The following ALK variants were observed in gnomAD, a reference collection of about 807,000 sequenced individuals.
The protein encoded by ALK is ALK tyrosine kinase receptor.
ALK carries 74 observed loss-of-function variants against 163.1 expected under a neutral mutation model. The ratio of observed to expected loss-of-function variants is 0.45; its 90% confidence interval spans 0.38 to 0.55. ALK has a LOEUF of 0.55. ALK is among the 20% of genes least tolerant of loss of function. ALK has a pLI of 0.00. For synonymous variants in ALK, 960 were observed against 843.2 expected, an observed-to-expected ratio of 1.14 and a Z score of -2.40; for missense variants, 2,063 against 2,105.3, an observed-to-expected ratio of 0.98 and a Z score of 0.39.
chr2:29,572,605 T>C (rs28478185), intron 3 of ALK, among the ~76,000 whole-genome samples: 59,531 of 152,002 alleles, frequency 0.39, 11,988 homozygotes, highest in African/African-American at 0.42. Flanking sequence ...CCTCTATTTC[T>C]TCACCAGAGC....
At chr2:29,459,781 C>T (rs1671041991) in intron 4 of ALK, among the ~76,000 whole-genome samples, 1 of 152,104 alleles carries the variant, frequency 6.6e-6, no homozygotes. Context: ...AACAATATCA[C>T]TGAATGTCTA....
Position 29,223,646 on chromosome 2 carries a change from C to A in ALK, c.3173-118G>T, listed in dbSNP as rs1212683303. 3.4e-6 allele frequency: 3 copies of A among 884,480 alleles called. No homozygotes were observed. In the African/African-American group the frequency reaches 5.0e-5, roughly 15 times the overall value. The allele number at this position is 884,480 out of a possible 1,614,324, so 54.8% of individuals were successfully genotyped here. ...CCATATCCTCCCCTGAGCTCTGAAC[C>A]TTTCCATCATACTTAGAAATACTAA... On this transcript the variant is annotated intron_variant, in intron 19 of 28. Coordinates refer to ENST00000389048, the MANE Select transcript of ALK (RefSeq NM_004304.5).
intron 3 of ALK, among the ~76,000 whole-genome samples, chr2:29,684,946 A>G (rs1476735922): frequency 6.6e-6 from 1 of 152,208 alleles, no homozygotes; most frequent in East Asian, 1.9e-4. Flanking sequence ...CCTATTTTAT[A>G]TGGAGGCTTA....
chr2:29,569,134 C>T (rs886560559), intron 3 of ALK, among the ~76,000 whole-genome samples: 2 of 152,162 alleles, frequency 1.3e-5, no homozygotes, highest in Non-Finnish European at 2.9e-5. Context: ...TGACTGTTAA[C>T]TTGAACCTGC....
chr2:29,260,042 T>C (rs1248970188), intron 11 of ALK, among the ~76,000 whole-genome samples: 1 of 152,208 alleles, frequency 6.6e-6, no homozygotes, highest in Non-Finnish European at 1.5e-5. Flanking sequence ...GAGTCTTTGA[T>C]GTGTGTCATC....
intron 3 of ALK, among the ~76,000 whole-genome samples, chr2:29,535,742 G>A (rs890403952): frequency 6.6e-6 from 1 of 152,134 alleles, no homozygotes; most frequent in Non-Finnish European, 1.5e-5. Context: ...GTTGGATACA[G>A]TCTCTCTAAG....
chr2:29,535,439 A>T (rs1205767597), intron 3 of ALK, among the ~76,000 whole-genome samples: 2 of 152,224 alleles, frequency 1.3e-5, no homozygotes, highest in African/African-American at 4.8e-5. Flanking sequence ...ACTCTTTTGT[A>T]TCTGTTCAGT....
At chr2:29,449,242 A>G (rs1670762630) in intron 4 of ALK, among the ~76,000 whole-genome samples, 1 of 152,214 alleles carries the variant, frequency 6.6e-6, no homozygotes, top group Admixed American at 6.5e-5. Flanking sequence ...ACAATATAGT[A>G]TGGTACCGGA....
At position 29,356,023 on chromosome 2, in the gene ALK, G is replaced by A. The variant is rs145819071; in HGVS notation, c.1283-27542C>T. Among the ~76,000 whole-genome samples the A allele has an allele frequency of 1.8e-4, 28 of 152,232 alleles. No individual in the cohort carries two copies. The East Asian group carries it at 5.4e-3, about 30-fold the overall frequency. On this transcript the variant is annotated intron_variant, in intron 5 of 28. Coordinates refer to ENST00000389048, the MANE Select transcript of ALK (RefSeq NM_004304.5). ...ATTTACACTACAGAAATTGGCAAAT[G>A]GTAAAATCAAGGCTCCCTCCTGAAG... is the stretch of plus-strand genomic sequence containing the variant.
Position 29,717,672 on chromosome 2 carries a change from T to G in ALK, c.693A>C (p.Thr231=). Reference sequence around the variant, plus strand: ...AATCAGGAGAAGGAGAAGGCATGTTTGTTGGTGATTCCAAGGAGCTATGAC... The same window carrying G: ...AATCAGGAGAAGGAGAAGGCATGTTGGTTGGTGATTCCAAGGAGCTATGAC... ...GTGHSSLESP[T]NMPSPSPDYF... Residue 231 remains threonine, a synonymous_variant, in exon 2 of 29, where the codon ACA becomes ACC. Transcript: ENST00000389048. 6.2e-7 allele frequency: 1 copy of G among 1,614,126 alleles called. No homozygotes were observed. Among genetic ancestry groups the G allele is most frequent in the Non-Finnish European group, 8.5e-7 (1 of 1,179,980 alleles).
At chr2:29,647,917 C>T (rs1282014876) in intron 3 of ALK, among the ~76,000 whole-genome samples, 1 of 151,784 alleles carries the variant, frequency 6.6e-6, no homozygotes, top group Non-Finnish European at 1.5e-5. Context: ...AACTAAAACC[C>T]AATGTGTCAT....
intron 3 of ALK, among the ~76,000 whole-genome samples, chr2:29,619,750 TA>T (rs1225092236): frequency 6.6e-6 from 1 of 152,220 alleles, no homozygotes; most frequent in Admixed American, 6.5e-5. Context: ...CATTTATATT[TA>T]AAACCCCTCC....
At chr2:29,306,814 G>T (rs1666521379) in intron 8 of ALK, among the ~76,000 whole-genome samples, 2 of 152,216 alleles carry the variant, frequency 1.3e-5, no homozygotes, top group African/African-American at 4.8e-5. Flanking sequence ...ATAAATGGCA[G>T]TGTTTGACTA....
intron 5 of ALK, among the ~76,000 whole-genome samples, chr2:29,334,475 T>C (rs1270051498): frequency 6.6e-6 from 1 of 152,188 alleles, no homozygotes; most frequent in Non-Finnish European, 1.5e-5. Context: ...AGATCCCTTG[T>C]TCTCTATTCT....
At chr2:29,713,147 T>C (rs2148303706) in intron 2 of ALK, among the ~76,000 whole-genome samples, 1 of 152,302 alleles carries the variant, frequency 6.6e-6, no homozygotes, top group South Asian at 2.1e-4. Context: ...TCACTCTAAT[T>C]TCTGATTCCA....
chr2:29,658,319 T>C (rs926288783), intron 3 of ALK, among the ~76,000 whole-genome samples: 9 of 152,132 alleles, frequency 5.9e-5, no homozygotes, highest in Non-Finnish European at 8.8e-5. Context: ...TATGGTAAGG[T>C]GCCTTAACCT....
intron 1 of ALK, among the ~76,000 whole-genome samples, chr2:29,769,711 C>T (rs1029325422): frequency 3.3e-5 from 5 of 152,108 alleles, no homozygotes; most frequent in African/African-American, 9.7e-5. Flanking sequence ...TGAACGATAA[C>T]ACAAAAACGT....
At chr2:29,218,904 A>G (rs1669710388) in intron 23 of ALK, among the ~76,000 whole-genome samples, 1 of 152,234 alleles carries the variant, frequency 6.6e-6, no homozygotes, top group African/African-American at 2.4e-5. Flanking sequence ...AGATGCCTGG[A>G]TGCCTGGCAG....
chr2:29,193,287 T>A lies in ALK; in HGVS notation c.4800A>T (p.Gly1600=). ...GLPLEAATAP[G]AGHYEDTILK... is the part of the protein sequence containing the mutation. Reference sequence around the variant, plus strand: ...GAATGGTATCCTCGTAATGACCAGCTCCAGGGGCAGTAGCGGCTTCTAAGG... The same window carrying A: ...GAATGGTATCCTCGTAATGACCAGCACCAGGGGCAGTAGCGGCTTCTAAGG... The change falls in exon 29 of 29, where the codon GGA becomes GGT. Residue 1600 remains glycine (G), a synonymous_variant. Coordinates refer to ENST00000389048, the MANE Select transcript of ALK (RefSeq NM_004304.5). The A allele has an allele frequency of 4.3e-6, 7 of 1,614,140 alleles. No individual in the cohort carries two copies. The highest frequency in any genetic ancestry group is 5.9e-6 in the Non-Finnish European group (7 of 1,180,012).
Sources: gnomAD v4.1 joint callset for allele counts (sites outside exome capture counted in the v4.1 genomes callset) on GRCh38, gnomAD v4.1.1 for gene constraint, MANE v1.5 for transcripts, NCBI Gene and HGNC (gene_info 2026-07-23, HGNC 2026-07-21) for gene names.